ASB5: variants seen among roughly 807,000 people sequenced by gnomAD.
ASB5 encodes ankyrin repeat and SOCS box protein 5.
ASB5 carries 45 observed loss-of-function variants against 42.1 expected under a neutral mutation model. The ratio of observed to expected loss-of-function variants is 1.07; its 90% CI spans 0.84 to 1.37. The LOEUF is 1.37. Among genes scored for constraint, ASB5 ranks in the 40% most tolerant of loss-of-function variants. ASB5 has a pLI of 0.00. For synonymous variants in ASB5, 147 were observed against 150.6 expected (o/e 0.98, Z 0.18); for missense variants, 402 against 399.8 (o/e 1.01, Z -0.05).
chr4:176,245,218 C>T (rs1753886379), intron 1 of ASB5, among the ~76,000 whole-genome samples: 1 of 152,100 alleles, frequency 6.6e-6, no homozygotes, highest in Admixed American at 6.5e-5. Flanking sequence ...CAAACAACCC[C>T]ATCAAAAAGT....
chr4:176,222,928 C>T (rs988313181), intron 2 of ASB5, among the ~76,000 whole-genome samples: 2 of 134,098 alleles, frequency 1.5e-5, no homozygotes, highest in Admixed American at 1.6e-4. Flanking sequence ...CAGGCGCCCA[C>T]CACAAGGCCG....
intron 1 of ASB5, chr4:176,241,466 T>C (rs1489659277): frequency 6.5e-7 from 1 of 1,535,060 alleles, no homozygotes; most frequent in Non-Finnish European, 8.7e-7. Flanking sequence ...TTTTACCTGT[T>C]ACTGCCAAAT....
At chr4:176,245,791 G>A (rs1036140498) in intron 1 of ASB5, among the ~76,000 whole-genome samples, 35 of 151,998 alleles carry the variant, frequency 2.3e-4, no homozygotes, top group Non-Finnish European at 4.0e-4. Flanking sequence ...GCAAACTATC[G>A]CAAGGACAGA....
chr4:176,266,486 T>C (rs1367595170), intron 1 of ASB5, among the ~76,000 whole-genome samples: 2 of 152,146 alleles, frequency 1.3e-5, no homozygotes, highest in Non-Finnish European at 2.9e-5. Context: ...AGTTTACTTA[T>C]AGTAAATAAA....
chr4:176,223,766 G>T (rs1286999526), intron 2 of ASB5, among the ~76,000 whole-genome samples: 1 of 152,186 alleles, frequency 6.6e-6, no homozygotes, highest in East Asian at 1.9e-4. Flanking sequence ...AGAAGGCCAA[G>T]ACTCCCTTTC....
At chr4:176,262,462 GATGC>G (rs1402125183) in intron 1 of ASB5, among the ~76,000 whole-genome samples, 1 of 152,152 alleles carries the variant, frequency 6.6e-6, no homozygotes, top group South Asian at 2.1e-4. Flanking sequence ...TGTGAATAAG[GATGC>G]ATGCTTAGTT....
chr4:176,267,003 T>G (rs1754370126), intron 1 of ASB5, among the ~76,000 whole-genome samples: 1 of 152,154 alleles, frequency 6.6e-6, no homozygotes. Flanking sequence ...TGAAAATATG[T>G]ACAAAAAGGA....
intron 1 of ASB5, among the ~76,000 whole-genome samples, chr4:176,264,253 C>T (rs1348683895): frequency 1.3e-5 from 2 of 152,174 alleles, no homozygotes; most frequent in East Asian, 3.8e-4. Context: ...TTTCCACAAT[C>T]CAAAATTTGG....
At chr4:176,261,263 T>C (rs1450556112) in intron 1 of ASB5, among the ~76,000 whole-genome samples, 1 of 152,328 alleles carries the variant, frequency 6.6e-6, no homozygotes, top group South Asian at 2.1e-4. Context: ...TTCTCTGAGA[T>C]GTACTTCATG....
intron 1 of ASB5, among the ~76,000 whole-genome samples, chr4:176,226,785 G>A (rs544476465): frequency 6.6e-6 from 1 of 152,290 alleles, no homozygotes; most frequent in South Asian, 2.1e-4. Flanking sequence ...AGCTCCTTCT[G>A]CTATTTCCTG....
At chr4:176,260,710 G>A (rs1754250700) in intron 1 of ASB5, among the ~76,000 whole-genome samples, 2 of 152,144 alleles carry the variant, frequency 1.3e-5, no homozygotes, top group South Asian at 4.1e-4. Context: ...ACGGAGTCTA[G>A]CTCTGTTGCC....
At chr4:176,231,229 T>G (rs1362279718) in intron 1 of ASB5, among the ~76,000 whole-genome samples, 1 of 96,280 alleles carries the variant, frequency 1.0e-5, no homozygotes, top group African/African-American at 4.0e-5. Context: ...CTCATAATTT[T>G]TTTTTTTTTT....
At chr4:176,259,202 G>A (rs1418891161) in intron 1 of ASB5, among the ~76,000 whole-genome samples, 3 of 152,040 alleles carry the variant, frequency 2.0e-5, no homozygotes, top group East Asian at 3.9e-4. Flanking sequence ...ACAGATCTGC[G>A]ACCTGTGTAT....
At chr4:176,237,574 T>C in intron 1 of ASB5, 1 of 985,530 alleles carries the variant, frequency 1.0e-6, no homozygotes, top group African/African-American at 1.7e-5. Context: ...TCTTCAACAT[T>C]GAACTCTATT....
Position 176,215,702 on chromosome 4 carries a change from A to T in ASB5, c.888T>A (p.Leu296=), listed in dbSNP as rs566485425. The T allele has an allele frequency of 1.1e-5, 17 of 1,612,984 alleles. No individual in the cohort carries two copies. The East Asian group carries it at 3.8e-4, about 36-fold the overall frequency. ...TGTAGCTTCGGATACAGAGTCGGCA[A>T]AGTTGGTAAAGAGAGCTTGGGGTAG... The part of the protein sequence containing the change: ...HEATPSSLYQ[L]CRLCIRSYIG... The change falls in exon 7 of 7, where the codon CTT becomes CTA. Residue 296 remains leucine, a synonymous_variant. Coordinates refer to ENST00000296525, the MANE Select transcript of ASB5 (RefSeq NM_080874.4).
Position 176,215,482 on chromosome 4 carries a change from C to A in ASB5, c.*118G>T. 9.7e-7 allele frequency: 1 copy of A among 1,032,182 alleles called. No individual in the cohort carries two copies. Among genetic ancestry groups the A allele is most frequent in the Non-Finnish European group, 1.4e-6 (1 of 727,066 alleles). The allele number at this position is 1,032,182 out of a possible 1,614,324, so 63.9% of individuals were successfully genotyped here. A position where few individuals can be genotyped will look rare whatever the true frequency, so the allele number is the denominator to read the frequency against. On this transcript the variant is annotated 3_prime_UTR_variant, in exon 7 of 7. Coordinates refer to ENST00000296525, the MANE Select transcript of ASB5 (RefSeq NM_080874.4). ...ATGAAAATTGATATTTTACTGCTTC[C>A]CTGGGTGATCTCACACTCACTTTTA...
At chr4:176,261,863 C>A (rs1310190356) in intron 1 of ASB5, among the ~76,000 whole-genome samples, 1 of 151,778 alleles carries the variant, frequency 6.6e-6, no homozygotes, top group African/African-American at 2.4e-5. Context: ...ACATGGCAAA[C>A]ATATACATAT....
rs1561248393 is a variant in ASB5 at position 176,215,530 on chromosome 4, T to C, written c.*70A>G. 4 of 1,472,816 alleles carry C rather than the reference T, an allele frequency of 2.7e-6. No homozygotes were observed. In the South Asian group the frequency reaches 3.8e-5, roughly 14 times the overall value. The allele number at this position is 1,472,816 out of a possible 1,614,324, so 91.2% of individuals were successfully genotyped here. A position where few individuals can be genotyped will look rare whatever the true frequency, so the allele number is the denominator to read the frequency against. ...TTATCCTATCTTTAGCATATTTTTA[T>C]ATGAACTATTCCTTAAGCAAAAGAA... On this transcript the variant is annotated 3_prime_UTR_variant, in exon 7 of 7. Transcript: ENST00000296525.
intron 1 of ASB5, among the ~76,000 whole-genome samples, chr4:176,262,363 G>A (rs545932562): frequency 2.6e-5 from 4 of 152,224 alleles, no homozygotes; most frequent in African/African-American, 7.2e-5. Flanking sequence ...AAAGCTTTAG[G>A]TAAGAGATAT....
Sources: gnomAD v4.1 joint callset for allele counts (sites outside exome capture counted in the v4.1 genomes callset) on GRCh38, gnomAD v4.1.1 for gene constraint, MANE v1.5 for transcripts, NCBI Gene and HGNC (gene_info 2026-07-23, HGNC 2026-07-21) for gene names.